Variants in TBC1D22A observed in about 807,000 individuals in gnomAD.
TBC1D22A encodes the protein putative GTPase activator.
TBC1D22A carries 38 observed loss-of-function variants against 60.2 expected under a neutral mutation model. The ratio of observed to expected loss-of-function variants is 0.63; its 90% CI spans 0.49 to 0.83. The LOEUF (loss-of-function observed/expected upper bound fraction) is 0.83, where lower values mean the gene tolerates loss of function less well. TBC1D22A is among the 40% of genes least tolerant of loss of function. The pLI, the probability that TBC1D22A is intolerant of heterozygous loss-of-function variation, is 0.00. For missense variants in TBC1D22A, 628 were observed against 701.0 expected (o/e 0.90, Z 1.18); for synonymous variants, 302 against 281.7 (o/e 1.07, Z -0.72).
At chr22:46,835,932 T>G (rs1460119080) in intron 4 of TBC1D22A, among the ~76,000 whole-genome samples, 4 of 152,068 alleles carry the variant, frequency 2.6e-5, no homozygotes, top group Non-Finnish European at 5.9e-5. Flanking sequence ...GGCTGATATA[T>G]TCAAAGTAAT....
Position 47,028,334 on chromosome 22 carries a change from C to T in TBC1D22A, c.1202-8737C>T, listed in dbSNP as rs940971810. Among the ~76,000 whole-genome samples, 18 of 152,252 alleles carry T rather than the reference C, an allele frequency of 1.2e-4. No individual in the cohort carries two copies. The highest frequency in any genetic ancestry group is 2.0e-4 in the Admixed American group (3 of 15,292). On this transcript the variant is annotated intron_variant, in intron 10 of 12. Transcript: ENST00000337137. The surrounding 1 kb of genome is among the most constrained non-coding windows in gnomAD (Gnocchi z 4.4). ...AGTGAGTGGTCGCGTTCCTGTCCCT[C>T]GGTCCCTGTCCCCCACGGCCCAGGT...
Position 46,974,765 on chromosome 22 carries a change from T to C in TBC1D22A, c.1125+366T>C, listed in dbSNP as rs569300827. ...GGGATCCTCCTTAAAGGGCCTCAGA[T>C]CGGGGGCCACAGCTCCTGGCCTCTG... is the stretch of plus-strand genomic sequence containing the variant. On this transcript the variant is annotated intron_variant, in intron 9 of 12. Coordinates refer to ENST00000337137, the MANE Select transcript of TBC1D22A (RefSeq NM_014346.5). Among the ~76,000 whole-genome samples the C allele has an allele frequency of 5.2e-3, 795 of 152,272 alleles. 11 individuals carry two copies. The highest frequency in any genetic ancestry group is 0.018 in the African/African-American group (765 of 41,564).
chr22:46,805,416 G>A (rs946074785), intron 4 of TBC1D22A, among the ~76,000 whole-genome samples: 3 of 152,244 alleles, frequency 2.0e-5, no homozygotes, highest in Non-Finnish European at 4.4e-5. Flanking sequence ...AAGTTTCTCA[G>A]CAAGATGCCT....
At chr22:47,161,771 G>A (rs191121930) in intron 12 of TBC1D22A, among the ~76,000 whole-genome samples, 2 of 152,250 alleles carry the variant, frequency 1.3e-5, no homozygotes, top group Non-Finnish European at 2.9e-5. Flanking sequence ...TGTGCCGTGG[G>A]CTTGTGGACC....
chr22:47,129,363 G>C (rs1249253493), intron 12 of TBC1D22A, among the ~76,000 whole-genome samples: 1 of 152,246 alleles, frequency 6.6e-6, no homozygotes, highest in Non-Finnish European at 1.5e-5. Flanking sequence ...TGTAATCCCA[G>C]CTACTTGGGA....
intron 7 of TBC1D22A, among the ~76,000 whole-genome samples, chr22:46,910,232 C>T (rs1318513562): frequency 6.6e-6 from 1 of 152,186 alleles, no homozygotes; most frequent in Non-Finnish European, 1.5e-5. Context: ...GTGTGCACTG[C>T]ATGCTAGCGT....
chr22:46,883,956 C>G (rs2067980833), intron 5 of TBC1D22A, among the ~76,000 whole-genome samples: 1 of 152,156 alleles, frequency 6.6e-6, no homozygotes, highest in Non-Finnish European at 1.5e-5. Context: ...CATCTTTCTC[C>G]CTGAGTCTCA....
chr22:47,067,781 C>A (rs2063825936), intron 11 of TBC1D22A, among the ~76,000 whole-genome samples: 1 of 152,202 alleles, frequency 6.6e-6, no homozygotes, highest in Non-Finnish European at 1.5e-5. Context: ...CACACTTGCG[C>A]TTGCATACGT....
intron 8 of TBC1D22A, among the ~76,000 whole-genome samples, chr22:46,957,993 C>T (rs1569271813): frequency 1.3e-5 from 2 of 151,934 alleles, no homozygotes; most frequent in Non-Finnish European, 2.9e-5. Context: ...CCACAGAGCA[C>T]CCTGCATCTC....
chr22:47,107,603 A>G (rs953321348), intron 11 of TBC1D22A, among the ~76,000 whole-genome samples: 1 of 152,264 alleles, frequency 6.6e-6, no homozygotes, highest in Non-Finnish European at 1.5e-5. Flanking sequence ...GAAGAGCTAT[A>G]TCATGGTCAT....
intron 4 of TBC1D22A, among the ~76,000 whole-genome samples, chr22:46,848,948 C>G (rs1394588986): frequency 6.6e-6 from 1 of 151,646 alleles, no homozygotes; most frequent in Non-Finnish European, 1.5e-5. Context: ...CATGGGGACC[C>G]TTAACCAGTG....
At chr22:46,835,215 A>G (rs1003259975) in intron 4 of TBC1D22A, among the ~76,000 whole-genome samples, 6 of 152,256 alleles carry the variant, frequency 3.9e-5, no homozygotes, top group Non-Finnish European at 7.3e-5. Flanking sequence ...AAGACTTAAC[A>G]TGAAAAGTCA....
At chr22:46,797,763 A>G (rs1329038370) in intron 4 of TBC1D22A, 143 bp downstream of exon 4, 2 of 879,786 alleles carry the variant, frequency 2.3e-6, no homozygotes, top group Non-Finnish European at 3.3e-6. Flanking sequence ...TGATGTTTTC[A>G]TGTAATATTT....
intron 10 of TBC1D22A, among the ~76,000 whole-genome samples, chr22:47,017,355 G>A (rs1418109396): frequency 2.0e-5 from 3 of 152,184 alleles, no homozygotes; most frequent in East Asian, 1.9e-4. Context: ...CCAAGGCTGC[G>A]GTCTCCGGGC....
chr22:47,009,811 G>A lies in TBC1D22A; in HGVS notation c.1201+12102G>A, dbSNP rs1350647256. ...CTGAGTGTTGGAAGTTTAGTCTGAA[G>A]GCCTCTGCTTCTCCCACGTTGGACC... On this transcript the variant is annotated intron_variant, in intron 10 of 12. Coordinates refer to ENST00000337137, the MANE Select transcript of TBC1D22A (RefSeq NM_014346.5). This position sits in a 1 kb window ranked among gnomAD's most constrained non-coding sequence, Gnocchi z 5.8. 2.0e-5 allele frequency among the ~76,000 whole-genome samples: 3 copies of A among 152,200 alleles called. No individual in the cohort carries two copies. The highest frequency in any genetic ancestry group is 2.0e-4 in the Admixed American group (3 of 15,274).
intron 12 of TBC1D22A, among the ~76,000 whole-genome samples, chr22:47,158,104 C>T (rs971966192): frequency 3.3e-5 from 5 of 152,204 alleles, no homozygotes; most frequent in South Asian, 4.1e-4. Context: ...CCTTCCAGGA[C>T]GCCGCAGCTC....
Position 46,762,653 on chromosome 22 carries a change from A to G in TBC1D22A, c.-134A>G. 2 of 682,916 alleles carry G rather than the reference A, an allele frequency of 2.9e-6. No homozygotes were observed. The highest frequency in any genetic ancestry group is 4.5e-4 in the Middle Eastern group (1 of 2,224). The allele number at this position is 682,916 out of a possible 1,614,324, so 42.3% of individuals were successfully genotyped here. ...GGCACAACTTCCGGAAGGAGGCGGAAGAGCTTCTCGGCTCTAGGCTCTGGA... is the reference window on the plus strand; with the variant it reads ...GGCACAACTTCCGGAAGGAGGCGGAGGAGCTTCTCGGCTCTAGGCTCTGGA... On this transcript the variant is annotated 5_prime_UTR_variant, in exon 1 of 13. Coordinates refer to ENST00000337137, the MANE Select transcript of TBC1D22A (RefSeq NM_014346.5).
intron 12 of TBC1D22A, among the ~76,000 whole-genome samples, chr22:47,126,715 C>A (rs565116197): frequency 6.0e-4 from 91 of 152,342 alleles, no homozygotes; most frequent in South Asian, 1.9e-3. Context: ...ATGGGAAGCC[C>A]AGGGACCCTG....
At chr22:46,948,408 C>A (rs9615426) in intron 8 of TBC1D22A, among the ~76,000 whole-genome samples, 8,526 of 152,296 alleles carry the variant, frequency 0.056, 351 homozygotes, top group Non-Finnish European at 0.088. Flanking sequence ...TAGTCAAGAG[C>A]CTACATTCTT....
Sources: allele counts gnomAD v4.1 joint callset (sites outside exome capture counted in the v4.1 genomes callset), GRCh38; gene constraint gnomAD v4.1.1; non-coding constraint Gnocchi (gnomAD v3.1); transcripts MANE v1.5; gene names NCBI Gene and HGNC (gene_info 2026-07-23, HGNC 2026-07-21).